The following ZNF33B variants were observed in gnomAD, a reference collection of about 807,000 sequenced individuals.
ZNF33B encodes zinc finger protein 11b (KOX 2).
ZNF33B carries 29 observed loss-of-function variants against 45.8 expected under a neutral mutation model. The ratio of observed to expected loss-of-function variants is 0.63; its 90% CI spans 0.47 to 0.86. The LOEUF (loss-of-function observed/expected upper bound fraction) is 0.86, where lower values mean the gene tolerates loss of function less well. ZNF33B is among the 40% of genes least tolerant of loss of function. The pLI, the probability that ZNF33B is intolerant of heterozygous loss-of-function variation, is 0.00. For missense variants in ZNF33B, 831 were observed against 909.9 expected (o/e 0.91, Z 1.12); for synonymous variants, 305 against 307.8 (o/e 0.99, Z 0.10).
intron 2 of ZNF33B, among the ~76,000 whole-genome samples, chr10:42,633,707 C>T (rs1463185156): frequency 6.6e-6 from 1 of 152,164 alleles, no homozygotes; most frequent in Non-Finnish European, 1.5e-5. Flanking sequence ...GTGCCTCACG[C>T]CTGTAATCTC....
chr10:42,599,886 A>G (rs1331068730), intron 4 of ZNF33B, among the ~76,000 whole-genome samples: 1 of 152,114 alleles, frequency 6.6e-6, no homozygotes, highest in African/African-American at 2.4e-5. Flanking sequence ...TTCCATTTTC[A>G]TTAACCCAAA....
chr10:42,637,495 T>C (rs917613049), intron 1 of ZNF33B, among the ~76,000 whole-genome samples: 3 of 152,206 alleles, frequency 2.0e-5, no homozygotes, highest in African/African-American at 7.2e-5. Flanking sequence ...CTTGCTTTGA[T>C]GTGTGTAGAA....
At position 42,632,399 on chromosome 10, in the gene ZNF33B, A is replaced by G. The variant is rs766348109; in HGVS notation, c.50T>C (p.Val17Ala). The change falls in exon 3 of 5, where the codon GTG becomes GCG. Residue 17 changes from valine (V) to alanine (A), a missense_variant. Val to Ala is a moderately conservative substitution (Grantham distance 64). Coordinates refer to ENST00000359467, the MANE Select transcript of ZNF33B (RefSeq NM_006955.3). ...CTCCTCCTGGGTGAAGCCCACAGTC[A>G]CATCTTTAAATGATACTGACCCCTG... ...KFQGSVSFKD[V>A]TVGFTQEEWQ... 4.3e-6 allele frequency: 7 copies of G among 1,613,956 alleles called. No homozygotes were observed. The highest frequency in any genetic ancestry group is 5.1e-6 in the Non-Finnish European group (6 of 1,179,972).
At chr10:42,626,559 G>A (rs911612381) in intron 4 of ZNF33B, among the ~76,000 whole-genome samples, 5 of 152,012 alleles carry the variant, frequency 3.3e-5, no homozygotes, top group African/African-American at 1.2e-4. Flanking sequence ...ATGGTCGCAT[G>A]CGCCTGTAGT....
Position 42,594,805 on chromosome 10 carries a change from G to A in ZNF33B, c.251-106C>T, listed in dbSNP as rs1372353478. On this transcript the variant is annotated intron_variant, in intron 4 of 4. Coordinates refer to ENST00000359467, the MANE Select transcript of ZNF33B (RefSeq NM_006955.3). ...TGTTGTAGCTGACTCTGGTTTTTTGGCCAATTTCCAGAGATGAACATAATT... is the reference window on the plus strand; with the variant it reads ...TGTTGTAGCTGACTCTGGTTTTTTGACCAATTTCCAGAGATGAACATAATT... The A allele has an allele frequency of 7.1e-6, 9 of 1,272,928 alleles. No individual in the cohort carries two copies. The African/African-American group carries it at 1.2e-4, about 17-fold the overall frequency. The allele number at this position is 1,272,928 out of a possible 1,614,324, so 78.9% of individuals were successfully genotyped here.
rs372450288 is a variant in ZNF33B, at chr10:42,626,157, C to T, written c.250+5772G>A. 1.9e-4 allele frequency among the ~76,000 whole-genome samples: 29 copies of T among 152,228 alleles called. 1 individual carries two copies. The highest frequency in any genetic ancestry group is 6.7e-4 in the African/African-American group (28 of 41,520). On this transcript the variant is annotated intron_variant, in intron 4 of 4. Coordinates refer to ENST00000359467, the MANE Select transcript of ZNF33B (RefSeq NM_006955.3). ...TGTTATATCATTTTTCTTCTTTAGC[C>T]TATGGTGGGTTAATTACATTGATTG...
At chr10:42,583,411 C>A in intron 1 of ZNF33B, 1 of 320,328 alleles carries the variant, frequency 3.1e-6, no homozygotes, top group Non-Finnish European at 6.2e-6. Flanking sequence ...ACAATTTGTC[C>A]CATAAATTTG....
At position 42,578,296 on chromosome 10, in the gene ZNF33B, G is replaced by A. The variant is rs144410221; in HGVS notation, c.74-3618C>T. ...CCTGTTTCTCCACGGTCTGGAGGGT[G>A]GATAAGAGGCCTGCAGCATGGCTGC... On this transcript the variant is annotated intron_variant, in intron 1 of 1. Coordinates refer to the ZNF33B transcript ENST00000462075. Among the ~76,000 whole-genome samples the A allele has an allele frequency of 1.6e-3, 251 of 152,366 alleles. 1 individual carries two copies. The highest frequency in any genetic ancestry group is 5.9e-3 in the African/African-American group (247 of 41,582).
At chr10:42,631,871 A>G in intron 4 of ZNF33B, 58 bp downstream of exon 4, 1 of 1,466,162 alleles carries the variant, frequency 6.8e-7, no homozygotes, top group Non-Finnish European at 9.6e-7. Flanking sequence ...ACCCTGAATT[A>G]ACTACTGGGA....
Position 42,593,874 on chromosome 10 carries a change from C to A in ZNF33B, c.1076G>T (p.Cys359Phe). The change falls in exon 5 of 5, where the codon TGT becomes TTT. Residue 359 changes from cysteine to phenylalanine, a missense_variant. Transcript: ENST00000359467. ...RVHTGEKHFQ[C>F]NQCGKTFWEK... ...CCAGAAAGTTTTTCCACATTGATTACATTGAAAGTGTTTCTCTCCTGTGTG... is the reference window on the plus strand; with the variant it reads ...CCAGAAAGTTTTTCCACATTGATTAAATTGAAAGTGTTTCTCTCCTGTGTG... The A allele has an allele frequency of 5.6e-6, 9 of 1,614,042 alleles. No homozygotes were observed. Among genetic ancestry groups the A allele is most frequent in the Non-Finnish European group, 7.6e-6 (9 of 1,179,956 alleles).
intron 4 of ZNF33B, among the ~76,000 whole-genome samples, chr10:42,607,739 T>G (rs1203195848): frequency 1.3e-5 from 2 of 151,994 alleles, no homozygotes; most frequent in Admixed American, 1.3e-4. Flanking sequence ...TCTAGTAAAG[T>G]CAGAAAAAAT....
intron 1 of ZNF33B, among the ~76,000 whole-genome samples, chr10:42,638,101 T>A (rs570223464): frequency 1.4e-4 from 21 of 152,230 alleles, no homozygotes; most frequent in Non-Finnish European, 2.6e-4. Flanking sequence ...AGAGTCCGTA[T>A]GTCGGGCGGG....
chr10:42,579,246 A>G (rs1409504111), intron 1 of ZNF33B, among the ~76,000 whole-genome samples: 2 of 152,172 alleles, frequency 1.3e-5, no homozygotes, highest in Non-Finnish European at 2.9e-5. Context: ...GTACATGTGC[A>G]GTTTTGTTAT....
At position 42,591,330 on chromosome 10, in the gene ZNF33B, T is replaced by C. The variant is rs1403402547; in HGVS notation, c.*1283A>G. The C allele has an allele frequency of 1.2e-5, 8 of 661,992 alleles. No homozygotes were observed. The highest frequency in any genetic ancestry group is 1.5e-5 in the Non-Finnish European group (8 of 535,172). 41.0% of individuals were successfully genotyped at this position (661,992 alleles called of 1,614,324 possible). A position where few individuals can be genotyped will look rare whatever the true frequency, so the allele number is the denominator to read the frequency against. On this transcript the variant is annotated 3_prime_UTR_variant, in exon 5 of 5. Coordinates refer to ENST00000359467, the MANE Select transcript of ZNF33B (RefSeq NM_006955.3). ...CTGAAGGCTGGAGTGTTCACATATGTACCCCAGGCAGTTCATGGCATGGGA... is the reference window on the plus strand; with the variant it reads ...CTGAAGGCTGGAGTGTTCACATATGCACCCCAGGCAGTTCATGGCATGGGA...
chr10:42,605,801 TAAC>T (rs1477325302), intron 4 of ZNF33B, among the ~76,000 whole-genome samples: 5 of 152,086 alleles, frequency 3.3e-5, no homozygotes, highest in Non-Finnish European at 7.4e-5. Flanking sequence ...GCAATATATT[TAAC>T]AATAAGGCAG....
intron 4 of ZNF33B, among the ~76,000 whole-genome samples, chr10:42,626,970 C>A (rs1838837122): frequency 6.6e-6 from 1 of 151,622 alleles, no homozygotes; most frequent in Admixed American, 6.6e-5. Context: ...TTTTTGGTTT[C>A]TGAAAAACTG....
At chr10:42,636,697 G>T in intron 2 of ZNF33B, 1 of 588,036 alleles carries the variant, frequency 1.7e-6, no homozygotes, top group Non-Finnish European at 3.0e-6. Flanking sequence ...GCCTGCGCCT[G>T]TAGTCCCAGC....
At chr10:42,599,056 G>T (rs1255694363) in intron 4 of ZNF33B, among the ~76,000 whole-genome samples, 3 of 152,144 alleles carry the variant, frequency 2.0e-5, no homozygotes, top group African/African-American at 4.8e-5. Flanking sequence ...GGAGCAAGCC[G>T]TAATAGCTGT....
At chr10:42,620,552 C>T (rs112341208) in intron 4 of ZNF33B, among the ~76,000 whole-genome samples, 1 of 151,612 alleles carries the variant, frequency 6.6e-6, no homozygotes, top group African/African-American at 2.4e-5. Context: ...ACAGCGCACA[C>T]CACCACACCC....
Sources: allele counts gnomAD v4.1 joint callset (sites outside exome capture counted in the v4.1 genomes callset), GRCh38; gene constraint gnomAD v4.1.1; transcripts MANE v1.5; gene names NCBI Gene and HGNC (gene_info 2026-07-23, HGNC 2026-07-21).